Variants in ANO4 observed in about 807,000 individuals in gnomAD.
ANO4 encodes the protein anoctamin-4.
ANO4 carries 69 observed loss-of-function variants against 141.9 expected under a neutral mutation model. The ratio of observed to expected loss-of-function variants is 0.49; its 90% CI spans 0.40 to 0.59. The LOEUF is 0.59. ANO4 is among the 20% of genes least tolerant of loss of function. ANO4 has a pLI of 0.00. For missense variants in ANO4, 894 were observed against 1,162.2 expected, an observed-to-expected ratio of 0.77 and a Z score of 3.36; for synonymous variants, 350 against 394.3, an observed-to-expected ratio of 0.89 and a Z score of 1.33.
intron 1 of ANO4, among the ~76,000 whole-genome samples, chr12:100,887,972 A>G (rs1308803907): frequency 6.6e-6 from 1 of 152,318 alleles, no homozygotes; most frequent in Non-Finnish European, 1.5e-5. Flanking sequence ...CCGGAAATAA[A>G]TATCTGCTTC....
chr12:101,072,413 A>G (rs934461172), intron 14 of ANO4, among the ~76,000 whole-genome samples: 13 of 152,216 alleles, frequency 8.5e-5, no homozygotes, highest in African/African-American at 2.9e-4. Flanking sequence ...ATTTTGGTAA[A>G]TGCACAGCAG....
At position 101,111,668 on chromosome 12, in the gene ANO4, A is replaced by G. The variant is rs1422037910; in HGVS notation, c.2408A>G (p.Tyr803Cys). ...SDFIPRLVYA[Y>C]KYGPCAGQGE... ...TTTATCCCTCGCTTGGTGTATGCTT[A>G]TAAGTATGGACCTTGTGCAGGCCAA... is the stretch of plus-strand genomic sequence containing the variant. The change falls in exon 24 of 28, where the codon TAT (tyrosine) becomes TGT (cysteine). Residue 803 changes from tyrosine (Y) to cysteine (C), a missense_variant. Coordinates refer to ENST00000392977, the MANE Select transcript of ANO4 (RefSeq NM_001286615.2). 1.9e-6 allele frequency: 3 copies of G among 1,612,902 alleles called. No homozygotes were observed. Among genetic ancestry groups the G allele is most frequent in the African/African-American group, 1.3e-5 (1 of 74,836 alleles).
chr12:100,844,524 A>T (rs1342907873), intron 1 of ANO4, among the ~76,000 whole-genome samples: 1 of 152,068 alleles, frequency 6.6e-6, no homozygotes, highest in Non-Finnish European at 1.5e-5. Context: ...GGGATGGAGA[A>T]GAGTGACTAG....
At chr12:100,813,354 C>T (rs1474933106) in intron 1 of ANO4, among the ~76,000 whole-genome samples, 1 of 152,194 alleles carries the variant, frequency 6.6e-6, no homozygotes, top group African/African-American at 2.4e-5. Flanking sequence ...GGAACCCAAA[C>T]ACTTAGCAAA....
chr12:100,744,005 C>G (rs560128939), intron 3 of ANO4, among the ~76,000 whole-genome samples: 1 of 152,150 alleles, frequency 6.6e-6, no homozygotes, highest in Non-Finnish European at 1.5e-5. Flanking sequence ...TCTAGTCATT[C>G]CTATATCCCC....
intron 7 of ANO4, among the ~76,000 whole-genome samples, chr12:100,981,163 C>T (rs1469461160): frequency 3.9e-5 from 6 of 152,110 alleles, no homozygotes; most frequent in African/African-American, 9.7e-5. Context: ...TTTTCATCCT[C>T]GTTTTAAAAA....
chr12:101,003,480 G>A (rs920805314), intron 8 of ANO4, among the ~76,000 whole-genome samples: 1 of 152,164 alleles, frequency 6.6e-6, no homozygotes, highest in Non-Finnish European at 1.5e-5. Flanking sequence ...CTCCAGGCAG[G>A]GAGAATGTCA....
At chr12:101,006,764 G>T (rs2045889337) in intron 8 of ANO4, among the ~76,000 whole-genome samples, 1 of 152,118 alleles carries the variant, frequency 6.6e-6, no homozygotes, top group African/African-American at 2.4e-5. Flanking sequence ...TGTATTTTTA[G>T]GAATACCTGC....
chr12:101,077,697 A>T lies in ANO4; in HGVS notation c.1313-1496A>T, dbSNP rs566732690. 3.9e-5 allele frequency among the ~76,000 whole-genome samples: 6 copies of T among 152,312 alleles called. No individual in the cohort carries two copies. The South Asian group carries it at 1.2e-3, about 32-fold the overall frequency. Reference sequence around the variant, plus strand: ...TACTAATGTACTCAAATACATTAGTATGGCTGCTTTTAATACATGAAAAGT... The same window carrying T: ...TACTAATGTACTCAAATACATTAGTTTGGCTGCTTTTAATACATGAAAAGT... On this transcript the variant is annotated intron_variant, in intron 14 of 27. Coordinates refer to ENST00000392977, the MANE Select transcript of ANO4 (RefSeq NM_001286615.2).
At chr12:100,946,014 G>A (rs967648040) in intron 5 of ANO4, among the ~76,000 whole-genome samples, 4 of 152,220 alleles carry the variant, frequency 2.6e-5, no homozygotes, top group African/African-American at 9.6e-5. Flanking sequence ...AGCAGGAAGT[G>A]TTGAGAGGGG....
chr12:100,838,804 T>A (rs1393944421), intron 1 of ANO4, among the ~76,000 whole-genome samples: 2 of 152,142 alleles, frequency 1.3e-5, no homozygotes, highest in Non-Finnish European at 2.9e-5. Context: ...AATCCTAATA[T>A]GTTGGATTGC....
At chr12:100,776,587 T>G (rs998539457) in intron 3 of ANO4, among the ~76,000 whole-genome samples, 1 of 152,210 alleles carries the variant, frequency 6.6e-6, no homozygotes, top group Admixed American at 6.5e-5. Context: ...AGAGTAACTT[T>G]TAATGTGAAG....
intron 22 of ANO4, among the ~76,000 whole-genome samples, chr12:101,105,647 A>G (rs1253576853): frequency 6.6e-6 from 1 of 152,232 alleles, no homozygotes; most frequent in African/African-American, 2.4e-5. Flanking sequence ...AAGATGATTC[A>G]GAAATTGGGT....
intron 3 of ANO4, among the ~76,000 whole-genome samples, chr12:100,740,437 T>C (rs532710710): frequency 2.0e-5 from 3 of 152,240 alleles, no homozygotes; most frequent in South Asian, 4.1e-4. Flanking sequence ...TGTATAGAAA[T>C]ATTTGACCTA....
At chr12:101,096,275 G>A (rs1219704671) in intron 18 of ANO4, among the ~76,000 whole-genome samples, 3 of 152,142 alleles carry the variant, frequency 2.0e-5, no homozygotes, top group African/African-American at 7.2e-5. Flanking sequence ...TATCCTGTAA[G>A]AGTGGAACAG....
Position 101,040,045 on chromosome 12 carries a change from T to G in ANO4, c.988T>G (p.Trp330Gly). ...LYECWASWGVWYKYQPLDLVR... is the reference protein window; with the variant it reads ...LYECWASWGVGYKYQPLDLVR... Reference sequence around the variant, plus strand: ...TGAGTGCTGGGCCTCCTGGGGCGTGTGGTATAAATACCAACCTTTGGATCT... The same window carrying G: ...TGAGTGCTGGGCCTCCTGGGGCGTGGGGTATAAATACCAACCTTTGGATCT... The change falls in exon 11 of 28, where the codon TGG (tryptophan) becomes GGG (glycine). Residue 330 changes from tryptophan (W) to glycine (G), a missense_variant. By Grantham distance (184) the Trp-to-Gly change is radical. Coordinates refer to ENST00000392977, the MANE Select transcript of ANO4 (RefSeq NM_001286615.2). 6.2e-7 allele frequency: 1 copy of G among 1,613,284 alleles called. No homozygotes were observed. Among genetic ancestry groups the G allele is most frequent in the Non-Finnish European group, 8.5e-7 (1 of 1,179,376 alleles).
intron 14 of ANO4, among the ~76,000 whole-genome samples, chr12:101,055,720 A>G (rs915159271): frequency 6.6e-6 from 1 of 151,458 alleles, no homozygotes; most frequent in Non-Finnish European, 1.5e-5. Context: ...TTTTTGTTTT[A>G]TTTATGAAAT....
intron 26 of ANO4, among the ~76,000 whole-genome samples, chr12:101,121,753 CTTT>C (rs71091478): frequency 0.12 from 12,767 of 109,306 alleles, 758 homozygotes; most frequent in African/African-American, 0.18. Context: ...AATTTGTTTA[CTTT>C]TTTTTTTTTT....
At chr12:100,880,631 C>CT (rs1436115136) in intron 1 of ANO4, among the ~76,000 whole-genome samples, 3 of 152,188 alleles carry the variant, frequency 2.0e-5, no homozygotes, top group Non-Finnish European at 4.4e-5. Context: ...GCATGAATCA[C>CT]TGCTTCTGCC....
Sources: allele counts gnomAD v4.1 joint callset (sites outside exome capture counted in the v4.1 genomes callset), GRCh38; gene constraint gnomAD v4.1.1; transcripts MANE v1.5; gene names NCBI Gene and HGNC (gene_info 2026-07-23, HGNC 2026-07-21).